TMEM168: variants seen among roughly 807,000 people sequenced by gnomAD.
The protein encoded by TMEM168 is transmembrane protein 168.
Under a neutral mutation model 53.2 loss-of-function variants are expected in TMEM168, and 40 were observed. That is an observed-to-expected ratio of 0.75 (90% CI 0.58 to 0.98). TMEM168 has a LOEUF of 0.98. TMEM168 is among the 50% of genes least tolerant of loss of function. The pLI is 0.00. For missense variants in TMEM168, 771 were observed against 828.8 expected, an observed-to-expected ratio of 0.93 and a Z score of 0.86; for synonymous variants, 282 against 293.0, an observed-to-expected ratio of 0.96 and a Z score of 0.38.
intron 2 of TMEM168, among the ~76,000 whole-genome samples, chr7:112,781,232 T>C (rs572726992): frequency 6.6e-6 from 1 of 152,094 alleles, no homozygotes; most frequent in Non-Finnish European, 1.5e-5. Flanking sequence ...TTAACAAGGC[T>C]ATAGATACAT....
At chr7:112,767,787 C>G (rs762333775) in intron 4 of TMEM168, 43 bp from the exon 5 acceptor site, 1 of 1,519,380 alleles carries the variant, frequency 6.6e-7, no homozygotes, top group South Asian at 1.3e-5. Context: ...ATTTCTGCAG[C>G]CTCTCATTAA....
intron 2 of TMEM168, among the ~76,000 whole-genome samples, chr7:112,779,859 T>C (rs1793182601): frequency 6.6e-6 from 1 of 152,216 alleles, no homozygotes; most frequent in Non-Finnish European, 1.5e-5. Flanking sequence ...CTTGTTTGTT[T>C]AGAAGCATTC....
intron 2 of TMEM168, 127 bp downstream of exon 2, chr7:112,783,571 C>T: frequency 9.8e-7 from 1 of 1,024,786 alleles, no homozygotes; most frequent in South Asian, 3.1e-5. Flanking sequence ...ATTCCATGAA[C>T]AAAATTAAGA....
rs747626933 is a variant in TMEM168 at position 112,775,213 on chromosome 7, C to T, written c.1234G>A (p.Val412Ile). The T allele has an allele frequency of 5.0e-6, 8 of 1,613,380 alleles. No homozygotes were observed. In the East Asian group the frequency reaches 8.9e-5, roughly 18 times the overall value. Residue 412 changes from valine to isoleucine, a missense_variant, in exon 3 of 5, where the codon GTT becomes ATT. By Grantham distance (29) the Val-to-Ile change is conservative (BLOSUM62 3). Coordinates refer to ENST00000312814, the MANE Select transcript of TMEM168 (RefSeq NM_022484.6). ...GTGGGAATCACAATAGCATATCCAA[C>T]AGATGTTCCTCCTAAACAGTTACCC... Reference protein sequence around the residue: ...ELGNCLGGTSVGYAIVIPTNF... With the variant: ...ELGNCLGGTSIGYAIVIPTNF...
At chr7:112,785,600 A>C (rs1049628247) in intron 1 of TMEM168, among the ~76,000 whole-genome samples, 3 of 152,204 alleles carry the variant, frequency 2.0e-5, no homozygotes, top group South Asian at 4.1e-4. Flanking sequence ...TCCAAATCTA[A>C]ACACTATCTC....
At chr7:112,775,905 T>C (rs1793069256) in intron 2 of TMEM168, among the ~76,000 whole-genome samples, 1 of 151,002 alleles carries the variant, frequency 6.6e-6, no homozygotes, top group Admixed American at 6.6e-5. Context: ...CAGAAGAAAA[T>C]ATTGAGGACA....
intron 1 of TMEM168, among the ~76,000 whole-genome samples, chr7:112,787,721 T>C (rs1246574637): frequency 1.6e-5 from 1 of 63,578 alleles, no homozygotes; most frequent in Non-Finnish European, 3.1e-5. Context: ...GCATTTTTTT[T>C]TTTTTTTTTT....
chr7:112,770,744 TAAGA>T (rs1792911121), intron 4 of TMEM168, among the ~76,000 whole-genome samples: 1 of 152,150 alleles, frequency 6.6e-6, no homozygotes, highest in African/African-American at 2.4e-5. Context: ...TTAAATTACT[TAAGA>T]AAAATGCAAA....
rs560362636 is a variant in TMEM168, at chr7:112,764,231, G to A, written c.*2966C>T. Reference sequence around the variant, plus strand: ...AAAAGATGATGTTTTTAGAGCTAGTGGTTTTGTGGTTTTAGCAAGGTATCA... The same window carrying A: ...AAAAGATGATGTTTTTAGAGCTAGTAGTTTTGTGGTTTTAGCAAGGTATCA... On this transcript the variant is annotated 3_prime_UTR_variant, in exon 5 of 5. Transcript: ENST00000312814. 4.6e-5 allele frequency: 7 copies of A among 151,692 alleles called. No individual in the cohort carries two copies. The South Asian group carries it at 1.5e-3, about 32-fold the overall frequency. 9.4% of individuals were successfully genotyped at this position (151,692 alleles called of 1,614,324 possible).
At chr7:112,789,778 G>T (rs766902827) in intron 1 of TMEM168, among the ~76,000 whole-genome samples, 1 of 152,172 alleles carries the variant, frequency 6.6e-6, no homozygotes, top group Admixed American at 6.5e-5. Context: ...AACTCTTTGA[G>T]CCATCTCATA....
At chr7:112,775,563 T>A (rs2116256419) in intron 2 of TMEM168, among the ~76,000 whole-genome samples, 1 of 147,212 alleles carries the variant, frequency 6.8e-6, no homozygotes, top group East Asian at 2.0e-4. Context: ...ACATCATTTT[T>A]AAAAAAGAAT....
In TMEM168 at chr7:112,784,141, A is replaced by G; in HGVS notation, c.685T>C (p.Phe229Leu). The change falls in exon 2 of 5, where the codon TTT (phenylalanine) becomes CTT (leucine). Residue 229 changes from phenylalanine to leucine, a missense_variant. Physicochemically the swap from Phe to Leu is conservative, Grantham distance 22 (BLOSUM62 0). Coordinates refer to ENST00000312814, the MANE Select transcript of TMEM168 (RefSeq NM_022484.6). ...TPKNPIAFAC[F>L]FICLITDPFL... ...GGATCAGTTATCAGGCAAATAAAAA[A>G]ACACGCAAAAGCAATCGGATTTTTG... is the stretch of plus-strand genomic sequence containing the variant. The G allele has an allele frequency of 6.2e-7, 1 of 1,614,100 alleles. No homozygotes were observed. The highest frequency in any genetic ancestry group is 8.5e-7 in the Non-Finnish European group (1 of 1,180,014).
chr7:112,773,085 C>T, intron 3 of TMEM168, 30 bp from the exon 4 acceptor site: 1 of 1,553,934 alleles, frequency 6.4e-7, no homozygotes, highest in Non-Finnish European at 8.7e-7. Flanking sequence ...AAGAAGTACT[C>T]ATTCTATATC....
intron 2 of TMEM168, among the ~76,000 whole-genome samples, chr7:112,780,974 CAGAT>C (rs1228147237): frequency 1.4e-5 from 2 of 143,496 alleles, no homozygotes; most frequent in Non-Finnish European, 3.0e-5. Flanking sequence ...AACGGGGGCA[CAGAT>C]AGTTAATATT....
chr7:112,775,027 C>T, intron 3 of TMEM168, 149 bp downstream of exon 3: 2 of 551,580 alleles, frequency 3.6e-6, no homozygotes, highest in Non-Finnish European at 5.7e-6. Flanking sequence ...GATATTATCA[C>T]TTGGAATAAA....
At chr7:112,785,421 C>G (rs1793351988) in intron 1 of TMEM168, among the ~76,000 whole-genome samples, 1 of 152,178 alleles carries the variant, frequency 6.6e-6, no homozygotes, top group Non-Finnish European at 1.5e-5. Context: ...CAAATATCCC[C>G]TACATCTTTT....
At chr7:112,770,623 T>A (rs1792907444) in intron 4 of TMEM168, among the ~76,000 whole-genome samples, 1 of 152,178 alleles carries the variant, frequency 6.6e-6, no homozygotes, top group Non-Finnish European at 1.5e-5. Flanking sequence ...TGTGTGTGTT[T>A]ATCTTAGTGT....
At chr7:112,773,830 C>CT (rs983534125) in intron 3 of TMEM168, among the ~76,000 whole-genome samples, 1 of 152,008 alleles carries the variant, frequency 6.6e-6, no homozygotes, top group African/African-American at 2.4e-5. Flanking sequence ...ATTCTACTAA[C>CT]TTTTTTTCAT....
chr7:112,780,047 A>T (rs541681414), intron 2 of TMEM168, among the ~76,000 whole-genome samples: 10 of 152,256 alleles, frequency 6.6e-5, no homozygotes, highest in Admixed American at 1.3e-4. Flanking sequence ...GTTTCAGGAA[A>T]TTTAAGAACA....
Sources: allele counts gnomAD v4.1 joint callset (sites outside exome capture counted in the v4.1 genomes callset), GRCh38; gene constraint gnomAD v4.1.1; transcripts MANE v1.5; gene names NCBI Gene and HGNC (gene_info 2026-07-23, HGNC 2026-07-21).